CFAP97: variants seen among roughly 807,000 people sequenced by gnomAD.
CFAP97 encodes the protein cilia and flagella associated protein 97.
In CFAP97, 36 loss-of-function variants were observed where a neutral mutation model predicts 43.1. That is an observed-to-expected ratio of 0.84 (90% CI 0.64 to 1.10). CFAP97 has a LOEUF of 1.10. Among genes scored for constraint, CFAP97 ranks in the 50% least tolerant of loss-of-function variants. CFAP97 has a pLI of 0.00. For synonymous variants in CFAP97, 228 were observed against 225.7 expected (o/e 1.01, Z -0.09); for missense variants, 657 against 620.3 (o/e 1.06, Z -0.63).
chr4:185,174,699 T>C (rs183665428), intron 3 of CFAP97, among the ~76,000 whole-genome samples: 2,258 of 152,344 alleles, frequency 0.015, 36 homozygotes, highest in South Asian at 0.069. Context: ...AGCAGCATAC[T>C]CAGTAGCTCT....
chr4:185,210,065 A>G (rs1240310529), upstream of CFAP97: 12 of 982,932 alleles, frequency 1.2e-5, no homozygotes, highest in South Asian at 2.4e-4. This position sits in a 1 kb window ranked among gnomAD's most constrained non-coding sequence, Gnocchi z 4.4. Context: ...GGCAGCGGGG[A>G]GGCGGCGGGG....
upstream of CFAP97, chr4:185,204,291 A>G (rs925693842): frequency 2.0e-5 from 3 of 152,216 alleles, no homozygotes; most frequent in Admixed American, 6.5e-5. Flanking sequence ...TCGTGCGTTA[A>G]TAGGGAAAGC....
chr4:185,194,432 T>G lies in CFAP97; in HGVS notation c.-16-3220A>C, dbSNP rs536521722. ...TGAATGCAGGAGGCAGAAGTTGCAG[T>G]GAGCTGAGATTGCACCATTGCACTC... On this transcript the variant is annotated intron_variant, in intron 1 of 4. Coordinates refer to ENST00000458385, the MANE Select transcript of CFAP97 (RefSeq NM_020827.3). Among the ~76,000 whole-genome samples the G allele has an allele frequency of 4.8e-4, 73 of 152,300 alleles. 1 individual carries two copies. The highest frequency in any genetic ancestry group is 4.8e-3 in the Admixed American group (73 of 15,308).
At chr4:185,201,183 G>A (rs1472233424) in intron 1 of CFAP97, among the ~76,000 whole-genome samples, 1 of 151,816 alleles carries the variant, frequency 6.6e-6, no homozygotes, top group African/African-American at 2.4e-5. Context: ...AAAATTAGCT[G>A]GGCGTGGTGG....
Position 185,190,437 on chromosome 4 carries a change from C to CA in CFAP97, c.759dup (p.Asp254Ter). 1.2e-6 allele frequency: 2 copies of CA among 1,613,766 alleles called. No homozygotes were observed. Among genetic ancestry groups the CA allele is most frequent in the South Asian group, 2.2e-5 (2 of 91,026 alleles). On this transcript the variant is annotated frameshift_variant, in exon 2 of 5. Coordinates refer to ENST00000458385, the MANE Select transcript of CFAP97 (RefSeq NM_020827.3). LOFTEE classifies it high-confidence loss of function. ...TCTGGAGTTGATAAGGGACTTACGT[C>CA]AGTCACAGTATCTTCAGACTCCTCA... is the stretch of plus-strand genomic sequence containing the variant.
rs972032921 is a variant in CFAP97, at chr4:185,160,963, TAAA to T, written c.*1832_*1834del. On this transcript the variant is annotated 3_prime_UTR_variant, in exon 5 of 5. Coordinates refer to ENST00000458385, the MANE Select transcript of CFAP97 (RefSeq NM_020827.3). ...ATATATATTTTTTTCTGGAACAACT[TAAA>T]AATCAATTTTAAAAAAACTGATTAA... is the stretch of plus-strand genomic sequence containing the variant. The T allele has an allele frequency of 8.0e-5, 12 of 149,442 alleles. No individual in the cohort carries two copies. Among genetic ancestry groups the T allele is most frequent in the African/African-American group, 2.4e-4 (10 of 41,044 alleles). The allele number at this position is 149,442 out of a possible 1,614,324, so 9.3% of individuals were successfully genotyped here.
rs776291545 is a variant in CFAP97, at chr4:185,190,244, T to G, written c.953A>C (p.Asp318Ala). The G allele has an allele frequency of 6.2e-7, 1 of 1,613,742 alleles. No individual in the cohort carries two copies. Among genetic ancestry groups the G allele is most frequent in the Admixed American group, 1.7e-5 (1 of 59,990 alleles). Residue 318 changes from aspartate (D) to alanine (A), a missense_variant, in exon 2 of 5, where the codon GAT (aspartate) becomes GCT (alanine). Asp to Ala is a moderately radical substitution (Grantham distance 126, BLOSUM62 -2). Transcript: ENST00000458385. ...CACTGAAGACGACTTTGAGGAGACATCAGGCTCATGTTTTTCTTTCCCTTT... is the reference window on the plus strand; with the variant it reads ...CACTGAAGACGACTTTGAGGAGACAGCAGGCTCATGTTTTTCTTTCCCTTT... ...AKKGKEKHEP[D>A]VSSKSSSVLD...
intron 1 of CFAP97, among the ~76,000 whole-genome samples, chr4:185,202,709 C>T (rs1407851160): frequency 1.3e-5 from 2 of 152,176 alleles, no homozygotes; most frequent in African/African-American, 4.8e-5. Context: ...AAGCCAGCTG[C>T]CTCCCTAAGT....
At position 185,181,141 on chromosome 4, in the gene CFAP97, T is replaced by C. The variant is rs549719409; in HGVS notation, c.1055-5090A>G. On this transcript the variant is annotated intron_variant, in intron 2 of 4. Transcript: ENST00000458385. Reference sequence around the variant, plus strand: ...AAATACAAAAATTAGCCAGGCATGGTGGCACACACCTGTAATCCCAGCTAC... The same window carrying C: ...AAATACAAAAATTAGCCAGGCATGGCGGCACACACCTGTAATCCCAGCTAC... Among the ~76,000 whole-genome samples the C allele has an allele frequency of 5.0e-4, 75 of 151,510 alleles. 1 individual carries two copies. The highest frequency in any genetic ancestry group is 1.8e-3 in the African/African-American group (75 of 41,156).
In CFAP97 at chr4:185,190,378, T is replaced by C. The variant is rs761388931; in HGVS notation, c.819A>G (p.Ile273Met). The change falls in exon 2 of 5, where the codon ATA (isoleucine) becomes ATG (methionine). Residue 273 changes from isoleucine (I) to methionine (M), a missense_variant. Coordinates refer to ENST00000458385, the MANE Select transcript of CFAP97 (RefSeq NM_020827.3). The part of the protein sequence containing the change: ...ISPLQSFELG[I>M]ANDQKVKIKK... ...TAATTTTCACTTTTTGATCATTTGC[T>C]ATGCCCAGTTCAAAAGACTGAAGAG... The C allele has an allele frequency of 6.2e-6, 10 of 1,610,892 alleles. No individual in the cohort carries two copies. The highest frequency in any genetic ancestry group is 8.5e-7 in the Non-Finnish European group (1 of 1,178,090).
At chr4:185,206,024 G>T (rs948518387), upstream of CFAP97, among the ~76,000 whole-genome samples, 1 of 152,196 alleles carries the variant, frequency 6.6e-6, no homozygotes, top group Non-Finnish European at 1.5e-5. Context: ...GGATTGGCAA[G>T]AATGTGGAAA....
At chr4:185,170,370 C>T (rs1413774936) in intron 3 of CFAP97, 1 of 492,932 alleles carries the variant, frequency 2.0e-6, no homozygotes, top group Non-Finnish European at 3.6e-6. Context: ...AAAGTTACTC[C>T]TGTATACTAG....
chr4:185,195,444 C>T (rs1321599580), intron 1 of CFAP97, among the ~76,000 whole-genome samples: 1 of 152,204 alleles, frequency 6.6e-6, no homozygotes, highest in Non-Finnish European at 1.5e-5. Context: ...CATCACACCA[C>T]TGCACTCCAG....
At chr4:185,179,586 A>G (rs527870318) in intron 2 of CFAP97, among the ~76,000 whole-genome samples, 2 of 152,296 alleles carry the variant, frequency 1.3e-5, no homozygotes, top group African/African-American at 2.4e-5. Flanking sequence ...GCCAGGCCAC[A>G]TGGAGAACCC....
chr4:185,170,387 A>T (rs1195040780), intron 3 of CFAP97: 1 of 444,016 alleles, frequency 2.3e-6, no homozygotes, highest in Non-Finnish European at 4.0e-6. Flanking sequence ...CTAGCAGACA[A>T]AGCACAGAAG....
chr4:185,191,036 T>A lies in CFAP97; in HGVS notation c.161A>T (p.Asn54Ile). 1.2e-6 allele frequency: 2 copies of A among 1,613,406 alleles called. No individual in the cohort carries two copies. Among genetic ancestry groups the A allele is most frequent in the Non-Finnish European group, 8.5e-7 (1 of 1,179,594 alleles). ...ATTTTCTGTTGTTTGCATTCCAGTG[T>A]TCGAATTTACATTTTTTGTATCTTT... ...IDKDTKNVNS[N>I]TGMQTTENYL... The change falls in exon 2 of 5, where the codon AAC (asparagine) becomes ATC (isoleucine). Residue 54 changes from asparagine to isoleucine, a missense_variant. By Grantham distance (149) the Asn-to-Ile change is moderately radical. Coordinates refer to ENST00000458385, the MANE Select transcript of CFAP97 (RefSeq NM_020827.3).
upstream of CFAP97, among the ~76,000 whole-genome samples, chr4:185,206,198 C>G (rs1339877307): frequency 6.6e-6 from 1 of 152,170 alleles, no homozygotes; most frequent in Non-Finnish European, 1.5e-5. Flanking sequence ...CAAACAGATA[C>G]TTATGCACCC....
chr4:185,190,053 C>T (rs942244331), intron 2 of CFAP97, 90 bp downstream of exon 2: 3 of 983,888 alleles, frequency 3.0e-6, no homozygotes, highest in African/African-American at 3.3e-5. Flanking sequence ...TAAAAAATAT[C>T]TACTAGATCA....
chr4:185,173,971 A>G (rs1223247583), intron 3 of CFAP97, among the ~76,000 whole-genome samples: 2 of 152,204 alleles, frequency 1.3e-5, no homozygotes, highest in East Asian at 1.9e-4. Flanking sequence ...TATGTGAATT[A>G]TATCTCAATA....
Sources: gnomAD v4.1 joint callset for allele counts (sites outside exome capture counted in the v4.1 genomes callset) on GRCh38, gnomAD v4.1.1 for gene constraint, Gnocchi (gnomAD v3.1) non-coding constraint, MANE v1.5 for transcripts, NCBI Gene and HGNC (gene_info 2026-07-23, HGNC 2026-07-21) for gene names.